TTC16: variants seen among roughly 807,000 people sequenced by gnomAD.
TTC16 encodes tetratricopeptide repeat protein 16.
TTC16 carries 66 observed loss-of-function variants against 80.4 expected under a neutral mutation model. The ratio of observed to expected loss-of-function variants is 0.82; its 90% CI spans 0.67 to 1.01. TTC16 has a LOEUF of 1.01. TTC16 is among the 50% of genes least tolerant of loss of function. The probability of loss-of-function intolerance (pLI) is 0.00; values close to 1 mark genes in which losing one functional copy is unlikely to be tolerated. For missense variants in TTC16, 1,070 were observed against 1,103.2 expected (o/e 0.97, Z 0.43); for synonymous variants, 438 against 451.3 (o/e 0.97, Z 0.37).
rs921126372 is a variant in TTC16 at position 127,716,093 on chromosome 9, C to T, written c.-53C>T. On this transcript the variant is annotated 5_prime_UTR_variant, in exon 1 of 14. Transcript: ENST00000373289. ...TGATGGTGCCTAGCAACGTCAGGGC[C>T]AGGGCCGCGAGGTAGTTGGCAGAGG... 5.6e-6 allele frequency: 9 copies of T among 1,613,444 alleles called. No homozygotes were observed. Among genetic ancestry groups the T allele is most frequent in the Non-Finnish European group, 6.8e-6 (8 of 1,179,824 alleles).
chr9:127,731,273 G>A lies in TTC16; in HGVS notation c.2490G>A (p.Lys830=), dbSNP rs1274387398. The A allele has an allele frequency of 3.1e-6, 5 of 1,613,302 alleles. No homozygotes were observed. Among genetic ancestry groups the A allele is most frequent in the South Asian group, 1.1e-5 (1 of 91,088 alleles). Residue 830 remains lysine, a synonymous_variant, in exon 14 of 14, where the codon AAG becomes AAA. Coordinates refer to ENST00000373289, the MANE Select transcript of TTC16 (RefSeq NM_144965.3). ...YAQGQGQRSS[K]AEGAQGKSQG... is the part of the protein sequence containing the mutation. Reference sequence around the variant, plus strand: ...AAGGCCAGGGCCAGAGGTCCAGCAAGGCTGAGGGTGCCCAGGGCAAGAGCC... The same window carrying A: ...AAGGCCAGGGCCAGAGGTCCAGCAAAGCTGAGGGTGCCCAGGGCAAGAGCC...
In TTC16 at chr9:127,727,458, A is replaced by C. The variant is rs773638941; in HGVS notation, c.1757A>C (p.Lys586Thr). The change falls in exon 12 of 14, where the codon AAA becomes ACA. Residue 586 changes from lysine to threonine, a missense_variant. By Grantham distance (78) the Lys-to-Thr change is moderately conservative. Coordinates refer to ENST00000373289, the MANE Select transcript of TTC16 (RefSeq NM_144965.3). The part of the protein sequence containing the change: ...PEEEEEKEKE[K>T]KEEKKSELIP... ...GAGGAGGAAGAAAAGGAGAAGGAGA[A>C]AAAAGAGGTAAGTGGAGTACAGGCC... is the stretch of plus-strand genomic sequence containing the variant. The C allele has an allele frequency of 8.9e-6, 14 of 1,572,344 alleles. No homozygotes were observed. Among genetic ancestry groups the C allele is most frequent in the Non-Finnish European group, 1.1e-5 (13 of 1,158,894 alleles).
chr9:127,724,354 C>A lies in TTC16; in HGVS notation c.1107C>A (p.Ile369=). The change falls in exon 8 of 14, where the codon ATC becomes ATA. Residue 369 remains isoleucine (I), a synonymous_variant. Coordinates refer to ENST00000373289, the MANE Select transcript of TTC16 (RefSeq NM_144965.3). ...AGCAGCAGGAGAAAGGACTCTACAT[C>A]AACCGAGGCGGTGCGCAGCGACCAG... ...RDEQQEKGLY[I]NRGDCFFQLG... is the part of the protein sequence containing the mutation. The A allele has an allele frequency of 6.2e-7, 1 of 1,612,236 alleles. No individual in the cohort carries two copies. The highest frequency in any genetic ancestry group is 8.5e-7 in the Non-Finnish European group (1 of 1,179,666).
chr9:127,726,818 A>AAAAC (rs1844011996), intron 10 of TTC16, 152 bp from the exon 11 acceptor site: 15 of 584,030 alleles, frequency 2.6e-5, no homozygotes, highest in Admixed American at 1.2e-4. Flanking sequence ...AAAAAAAAAA[A>AAAAC]AAACAAACAA....
chr9:127,725,428 G>T (rs1169617204), intron 9 of TTC16, among the ~76,000 whole-genome samples: 1 of 150,956 alleles, frequency 6.6e-6, no homozygotes, highest in African/African-American at 2.4e-5. Flanking sequence ...GCCGGGCGTC[G>T]TGGTGGGCGC....
rs770083681 is a variant in TTC16 at position 127,717,317 on chromosome 9, C to T, written c.192-17C>T. ...CAGTCAGGGCCACCCCTCTGCCTGT[C>T]CCCACTTTCCCCACAGCTACTCCAG... On this transcript the variant is annotated splice_polypyrimidine_tract_variant and intron_variant, in intron 2 of 13. Transcript: ENST00000373289. 6.2e-7 allele frequency: 1 copy of T among 1,606,280 alleles called. No individual in the cohort carries two copies. Among genetic ancestry groups the T allele is most frequent in the Non-Finnish European group, 8.5e-7 (1 of 1,179,534 alleles).
rs17852941 is a variant in TTC16 at position 127,724,852 on chromosome 9, T to C, written c.1214T>C (p.Met405Thr). 3 of 1,587,308 alleles carry C rather than the reference T, an allele frequency of 1.9e-6. No individual in the cohort carries two copies. Among genetic ancestry groups the C allele is most frequent in the African/African-American group, 2.7e-5 (2 of 74,238 alleles). The change falls in exon 9 of 14, where the codon ATG becomes ACG. Residue 405 changes from methionine (M) to threonine (T), a missense_variant. Transcript: ENST00000373289. ...CAGGACGAGGGCGCCAACACGCGCA[T>C]GGGCCTGCTGCAGGAGAAGATGGGC... ...SPQDEGANTR[M>T]GLLQEKMGFC...
chr9:127,726,227 T>G lies in TTC16; in HGVS notation c.1260-12T>G. 6.4e-7 allele frequency: 1 copy of G among 1,569,704 alleles called. No homozygotes were observed. The highest frequency in any genetic ancestry group is 8.7e-7 in the Non-Finnish European group (1 of 1,152,556). On this transcript the variant is annotated splice_polypyrimidine_tract_variant and intron_variant, in intron 9 of 13. Transcript: ENST00000373289. ...CAGCTCATAGCAGCTTGGGACCCAC[T>G]GTGTCGTGCAGGCAGTTCCAGAAGG...
intron 6 of TTC16, among the ~76,000 whole-genome samples, chr9:127,720,795 TC>T (rs1843384907): frequency 7.3e-6 from 1 of 136,804 alleles, no homozygotes; most frequent in South Asian, 2.4e-4. Flanking sequence ...AGGTAGCCCT[TC>T]CCCCTTCCTC....
intron 12 of TTC16, chr9:127,728,927 C>T (rs1175017628): frequency 6.6e-6 from 1 of 152,348 alleles, no homozygotes; most frequent in Admixed American, 6.5e-5. Context: ...CCCAGGGAGA[C>T]GTTGGGCTGA....
At chr9:127,720,485 C>A in intron 6 of TTC16, 90 bp downstream of exon 6, 1 of 1,547,662 alleles carries the variant, frequency 6.5e-7, no homozygotes, top group Non-Finnish European at 8.8e-7. Context: ...AGGCTGTCAG[C>A]CAGCCCAGAA....
At position 127,731,412 on chromosome 9, in the gene TTC16, C is replaced by A; in HGVS notation, c.*7C>A. On this transcript the variant is annotated 3_prime_UTR_variant, in exon 14 of 14. Coordinates refer to ENST00000373289, the MANE Select transcript of TTC16 (RefSeq NM_144965.3). ...CTACTATGAAGCTGTCTGAAGGGAC[C>A]ATCCAGACCCTCCCTTCTTGCTGGG... 6.3e-7 allele frequency: 1 copy of A among 1,597,610 alleles called. No individual in the cohort carries two copies. Among genetic ancestry groups the A allele is most frequent in the South Asian group, 1.1e-5 (1 of 89,964 alleles).
At chr9:127,719,038 T>C (rs1221625171) in intron 4 of TTC16, among the ~76,000 whole-genome samples, 1 of 151,408 alleles carries the variant, frequency 6.6e-6, no homozygotes, top group East Asian at 2.0e-4. Flanking sequence ...TGGTGAAACC[T>C]CATCTCTACT....
chr9:127,720,921 CT>C (rs1303397435), intron 6 of TTC16, among the ~76,000 whole-genome samples: 15 of 133,924 alleles, frequency 1.1e-4, no homozygotes, highest in African/African-American at 4.3e-4. Flanking sequence ...TCCCTCCTCC[CT>C]TCCTCCCTTC....
intron 1 of TTC16, 71 bp from the exon 2 acceptor site, chr9:127,716,773 T>A: frequency 1.3e-6 from 2 of 1,534,962 alleles, no homozygotes; most frequent in Non-Finnish European, 1.8e-6. Flanking sequence ...CCCTGCAGAA[T>A]GCTGGGGAGT....
intron 11 of TTC16, 58 bp downstream of exon 11, chr9:127,727,170 T>C (rs1169407886): frequency 6.6e-7 from 1 of 1,520,138 alleles, no homozygotes; most frequent in Non-Finnish European, 8.8e-7. Flanking sequence ...AGCTCCAGGC[T>C]CCTCTGGCTC....
chr9:127,724,112 C>G lies in TTC16; in HGVS notation c.873-8C>G. On this transcript the variant is annotated splice_region_variant and splice_polypyrimidine_tract_variant and intron_variant, in intron 7 of 13. Transcript: ENST00000373289. ...CCCTCCTGCCGTCTCCCACGCCCCC[C>G]CCGACAGGGGCACCATGTACCGACG... 1 of 1,599,522 alleles carries G rather than the reference C, an allele frequency of 6.3e-7. No individual in the cohort carries two copies. The highest frequency in any genetic ancestry group is 8.5e-7 in the Non-Finnish European group (1 of 1,171,736).
At position 127,726,965 on chromosome 9, in the gene TTC16, G is replaced by A. The variant is rs532151207; in HGVS notation, c.1426-5G>A. 5 of 1,613,174 alleles carry A rather than the reference G, an allele frequency of 3.1e-6. No homozygotes were observed. The South Asian group carries it at 4.4e-5, about 14-fold the overall frequency. ...CCTGGCTCTGGTCACCCCCTTTCGT[G>A]GCAGCTGTCCCTGCTGATGACCAAC... On this transcript the variant is annotated splice_region_variant and splice_polypyrimidine_tract_variant and intron_variant, in intron 10 of 13. Transcript: ENST00000373289.
At chr9:127,716,480 G>A in intron 1 of TTC16, 1 of 547,014 alleles carries the variant, frequency 1.8e-6, no homozygotes, top group Non-Finnish European at 3.3e-6. Context: ...CCAAGGGACT[G>A]TAGGACCCCC....
Sources: allele counts gnomAD v4.1 joint callset (sites outside exome capture counted in the v4.1 genomes callset), GRCh38; gene constraint gnomAD v4.1.1; transcripts MANE v1.5; gene names NCBI Gene and HGNC (gene_info 2026-07-23, HGNC 2026-07-21).